The following CERKL variants were observed in gnomAD, a reference collection of about 807,000 sequenced individuals.
CERKL encodes CERK like autophagy regulator, also known as ceramide kinase-like protein.
Under a neutral mutation model 63.4 loss-of-function variants are expected in CERKL, and 61 were observed. The observed-to-expected ratio is 0.96, with a 90% CI of 0.78 to 1.19. The LOEUF is 1.19. CERKL is among the 50% of genes most tolerant of loss of function. The pLI is 0.00. For synonymous variants in CERKL, 250 were observed against 230.5 expected, an observed-to-expected ratio of 1.08 and a Z score of -0.77; for missense variants, 675 against 655.5, an observed-to-expected ratio of 1.03 and a Z score of -0.33.
At chr2:181,584,978 C>T (rs1260562890) in intron 2 of CERKL, among the ~76,000 whole-genome samples, 3 of 151,530 alleles carry the variant, frequency 2.0e-5, no homozygotes, top group African/African-American at 4.8e-5. Flanking sequence ...TTGCACTTTT[C>T]GTTTCCTCTG....
chr2:181,601,029 T>C (rs1005404480), intron 2 of CERKL, among the ~76,000 whole-genome samples: 5 of 152,132 alleles, frequency 3.3e-5, no homozygotes, highest in Non-Finnish European at 7.4e-5. Flanking sequence ...GAAATAAAAT[T>C]AGAAATGAAG....
Position 181,550,161 on chromosome 2 carries a change from A to G in CERKL, c.821-453T>C, listed in dbSNP as rs1175446932. ...AACTCAGAAAAATAAAATAACTACA[A>G]ACTACAAAAAATATGCTCTAAACAC... On this transcript the variant is annotated intron_variant, in intron 5 of 12. Coordinates refer to ENST00000410087, the MANE Select transcript of CERKL (RefSeq NM_201548.5). This position sits in a 1 kb window ranked among gnomAD's most constrained non-coding sequence, Gnocchi z 4.5. 1.3e-5 allele frequency among the ~76,000 whole-genome samples: 2 copies of G among 152,182 alleles called. No individual in the cohort carries two copies. Among genetic ancestry groups the G allele is most frequent in the Admixed American group, 1.3e-4 (2 of 15,268 alleles).
At position 181,537,197 on chromosome 2, in the gene CERKL, C is replaced by G; in HGVS notation, c.*987G>C. On this transcript the variant is annotated 3_prime_UTR_variant, in exon 13 of 13. Transcript: ENST00000410087. ...ACATCTAGGATCATAGATGAAAAAT[C>G]AAGCCCCGATTTAGAACTGTCTTCT... is the stretch of plus-strand genomic sequence containing the variant. The G allele has an allele frequency of 2.2e-6, 1 of 453,136 alleles. No homozygotes were observed. Among genetic ancestry groups the G allele is most frequent in the East Asian group, 6.9e-5 (1 of 14,390 alleles). 28.1% of individuals were successfully genotyped at this position (453,136 alleles called of 1,614,324 possible).
intron 1 of CERKL, among the ~76,000 whole-genome samples, 166 bp from the exon 2 acceptor site, chr2:181,604,245 C>T (rs995513879): frequency 3.9e-5 from 6 of 152,044 alleles, no homozygotes; most frequent in African/African-American, 1.4e-4. Flanking sequence ...ATCTGTACAA[C>T]AAACCCCCAT....
chr2:181,575,041 C>T (rs1461754292), intron 2 of CERKL, among the ~76,000 whole-genome samples: 1 of 152,194 alleles, frequency 6.6e-6, no homozygotes, highest in East Asian at 1.9e-4. Context: ...AAACCGTGCT[C>T]AATGCCTTCC....
intron 2 of CERKL, among the ~76,000 whole-genome samples, chr2:181,579,827 A>G (rs1157663404): frequency 1.3e-5 from 2 of 151,884 alleles, no homozygotes; most frequent in Non-Finnish European, 2.9e-5. Flanking sequence ...TCCCAACATT[A>G]TTCATTGGAA....
chr2:181,647,989 T>C (rs558169039), intron 1 of CERKL, among the ~76,000 whole-genome samples: 1 of 151,858 alleles, frequency 6.6e-6, no homozygotes, highest in African/African-American at 2.4e-5. Flanking sequence ...GAAGAAAGAA[T>C]TTCAAAATCT....
intron 1 of CERKL, among the ~76,000 whole-genome samples, chr2:181,630,939 A>G (rs1574517673): frequency 6.6e-6 from 1 of 152,352 alleles, no homozygotes; most frequent in East Asian, 1.9e-4. Context: ...AATATTTCCA[A>G]ATGTGGGCAC....
intron 1 of CERKL, among the ~76,000 whole-genome samples, chr2:181,614,206 C>T (rs1686093674): frequency 6.6e-6 from 1 of 152,268 alleles, no homozygotes; most frequent in South Asian, 2.1e-4. Flanking sequence ...GGTGAAAAGC[C>T]CTCCAGCTAA....
At chr2:181,609,533 T>TGGAA (rs1267362169) in intron 1 of CERKL, among the ~76,000 whole-genome samples, 4 of 70,216 alleles carry the variant, frequency 5.7e-5, no homozygotes, top group African/African-American at 1.4e-4. Context: ...CTGTCTCTAC[T>TGGAA]AAAAAAAAAA....
chr2:181,581,256 TA>T (rs1422069592), intron 2 of CERKL, among the ~76,000 whole-genome samples: 2 of 152,198 alleles, frequency 1.3e-5, no homozygotes, highest in Non-Finnish European at 2.9e-5. Context: ...TTCCTCACAC[TA>T]AAACCTCAGT....
intron 4 of CERKL, among the ~76,000 whole-genome samples, chr2:181,565,255 C>T (rs1459278927): frequency 6.6e-6 from 1 of 152,154 alleles, no homozygotes; most frequent in Admixed American, 6.6e-5. Context: ...CTGCCCATCA[C>T]CATGTAACAC....
chr2:181,646,429 C>A (rs915269225), intron 1 of CERKL, among the ~76,000 whole-genome samples: 12 of 152,204 alleles, frequency 7.9e-5, no homozygotes, highest in African/African-American at 2.9e-4. Flanking sequence ...ACAGCTGATG[C>A]TGAATAATTA....
intron 5 of CERKL, among the ~76,000 whole-genome samples, chr2:181,555,069 A>G (rs918464103): frequency 2.0e-5 from 3 of 152,222 alleles, no homozygotes; most frequent in African/African-American, 7.2e-5. Flanking sequence ...TCAAAATTAT[A>G]ATAGTGATAA....
At chr2:181,594,542 G>A (rs527275276) in intron 2 of CERKL, among the ~76,000 whole-genome samples, 2 of 152,176 alleles carry the variant, frequency 1.3e-5, no homozygotes, top group Non-Finnish European at 2.9e-5. Flanking sequence ...AACACAGCTT[G>A]GCATCAGATG....
At chr2:181,652,033 T>C (rs1687960944) in intron 1 of CERKL, among the ~76,000 whole-genome samples, 1 of 152,162 alleles carries the variant, frequency 6.6e-6, no homozygotes, top group African/African-American at 2.4e-5. Context: ...AGATAGTACA[T>C]GTTCATGGAT....
chr2:181,656,578 G>C (rs1407574130), intron 1 of CERKL, among the ~76,000 whole-genome samples, 191 bp downstream of exon 1: 4 of 152,090 alleles, frequency 2.6e-5, no homozygotes, highest in Non-Finnish European at 4.4e-5. Context: ...GGCGAGAGGC[G>C]TGAGTTCCCA....
intron 3 of CERKL, among the ~76,000 whole-genome samples, chr2:181,571,192 C>A (rs1238333240): frequency 6.6e-6 from 1 of 152,006 alleles, no homozygotes; most frequent in East Asian, 1.9e-4. Context: ...AAATATTGAG[C>A]CAATATGCAT....
At chr2:181,634,537 C>T (rs1687094929) in intron 1 of CERKL, among the ~76,000 whole-genome samples, 1 of 152,008 alleles carries the variant, frequency 6.6e-6, no homozygotes, top group Admixed American at 6.6e-5. Context: ...GTAAATTGAA[C>T]ATGATAGACA....
Sources: allele counts gnomAD v4.1 joint callset (sites outside exome capture counted in the v4.1 genomes callset), GRCh38; gene constraint gnomAD v4.1.1; non-coding constraint Gnocchi (gnomAD v3.1); transcripts MANE v1.5; gene names NCBI Gene and HGNC (gene_info 2026-07-23, HGNC 2026-07-21).